The following FSTL5 variants were observed in gnomAD, a reference collection of about 807,000 sequenced individuals.
FSTL5 encodes the protein follistatin like 5.
Under a neutral mutation model 89.1 loss-of-function variants are expected in FSTL5, and 62 were observed. The ratio of observed to expected loss-of-function variants is 0.70; its 90% CI spans 0.57 to 0.86. FSTL5 has a LOEUF of 0.86. Ranked by LOEUF, FSTL5 falls within the 40% of genes least tolerant of loss-of-function variation. The pLI, the probability that FSTL5 is intolerant of heterozygous loss-of-function variation, is 0.00. For missense variants in FSTL5, 1,057 were observed against 1,001.6 expected, an observed-to-expected ratio of 1.06 and a Z score of -0.75; for synonymous variants, 383 against 346.2, an observed-to-expected ratio of 1.11 and a Z score of -1.18.
In FSTL5 at chr4:161,393,237, A is replaced by G. The variant is rs1024474541; in HGVS notation, c.1842-6788T>C. On this transcript the variant is annotated intron_variant, in intron 15 of 15. Transcript: ENST00000306100. ...AATATTACCAATGTGTTCATTTTATACATGCAAGAGAGAGATAGTAACTGA... is the reference window on the plus strand; with the variant it reads ...AATATTACCAATGTGTTCATTTTATGCATGCAAGAGAGAGATAGTAACTGA... Among the ~76,000 whole-genome samples, 9 of 152,050 alleles carry G rather than the reference A, an allele frequency of 5.9e-5. No homozygotes were observed. In the South Asian group the frequency reaches 1.9e-3, roughly 32 times the overall value.
chr4:161,860,286 TCAAACAAACAAACAAA>T (rs10690156), intron 4 of FSTL5, among the ~76,000 whole-genome samples: 1 of 149,798 alleles, frequency 6.7e-6, no homozygotes, highest in South Asian at 2.1e-4. Context: ...AGACTCCGTC[TCAAACAAACAAACAAA>T]CAAACAAACA....
At chr4:161,581,255 G>A (rs1281363171) in intron 8 of FSTL5, among the ~76,000 whole-genome samples, 1 of 152,174 alleles carries the variant, frequency 6.6e-6, no homozygotes, top group East Asian at 1.9e-4. Flanking sequence ...TGAGACCTGA[G>A]AATTTGCCTT....
chr4:161,485,536 A>T (rs1402637544), intron 12 of FSTL5, among the ~76,000 whole-genome samples: 1 of 152,194 alleles, frequency 6.6e-6, no homozygotes, highest in East Asian at 1.9e-4. Context: ...TACTATCTTA[A>T]AGGAAGCATT....
chr4:161,841,485 C>CA lies in FSTL5; in HGVS notation c.410-65412dup, dbSNP rs536726977. Among the ~76,000 whole-genome samples the CA allele has an allele frequency of 2.4e-3, 361 of 152,204 alleles. 1 individual carries two copies. The highest frequency in any genetic ancestry group is 8.2e-3 in the African/African-American group (342 of 41,536). On this transcript the variant is annotated intron_variant, in intron 4 of 15. Coordinates refer to ENST00000306100, the MANE Select transcript of FSTL5 (RefSeq NM_020116.5). ...AGGCTCCTTATATAATATTTGGAAT[C>CA]AAAATCCCATAGATGGACATGTGGG... is the stretch of plus-strand genomic sequence containing the variant.
chr4:161,818,129 G>A (rs1157665470), intron 4 of FSTL5, among the ~76,000 whole-genome samples: 2 of 152,142 alleles, frequency 1.3e-5, no homozygotes, highest in Admixed American at 6.5e-5. Flanking sequence ...GGAACACACA[G>A]GCAGCTGGAC....
chr4:161,790,149 A>G (rs1039563936), intron 4 of FSTL5, among the ~76,000 whole-genome samples: 9 of 152,204 alleles, frequency 5.9e-5, no homozygotes, highest in Admixed American at 5.9e-4. Flanking sequence ...CATAGAGTAA[A>G]CAAAAATATC....
At chr4:161,589,874 CA>C (rs1055211857) in intron 7 of FSTL5, among the ~76,000 whole-genome samples, 1 of 151,864 alleles carries the variant, frequency 6.6e-6, no homozygotes, top group Non-Finnish European at 1.5e-5. Context: ...TCTAGCTGCA[CA>C]TAAGACTCTA....
intron 4 of FSTL5, among the ~76,000 whole-genome samples, chr4:161,824,864 A>G (rs1027075716): frequency 1.3e-5 from 2 of 151,438 alleles, no homozygotes; most frequent in African/African-American, 4.8e-5. Context: ...TTCTAGGTAT[A>G]CTATTTGGAT....
intron 6 of FSTL5, among the ~76,000 whole-genome samples, chr4:161,661,458 A>T (rs1370619407): frequency 6.6e-6 from 1 of 152,140 alleles, no homozygotes; most frequent in Non-Finnish European, 1.5e-5. Flanking sequence ...TGCAGATAGT[A>T]ATACAATATT....
At chr4:161,440,485 C>T (rs1560896282) in intron 15 of FSTL5, among the ~76,000 whole-genome samples, 1 of 152,088 alleles carries the variant, frequency 6.6e-6, no homozygotes, top group Non-Finnish European at 1.5e-5. Context: ...AAAAGTCCCG[C>T]ATTCAAAGGG....
chr4:161,932,450 C>T (rs13114430), intron 3 of FSTL5, among the ~76,000 whole-genome samples: 49,417 of 151,388 alleles, frequency 0.33, 9,675 homozygotes, highest in Non-Finnish European at 0.43. Context: ...ATTGCATATA[C>T]ATAAGTTAAT....
At chr4:162,122,744 C>T (rs929588331) in intron 1 of FSTL5, among the ~76,000 whole-genome samples, 1 of 152,070 alleles carries the variant, frequency 6.6e-6, no homozygotes, top group African/African-American at 2.4e-5. Flanking sequence ...CCTAAACACT[C>T]TTTATGTACT....
chr4:161,906,622 G>A (rs1733537006), intron 4 of FSTL5, among the ~76,000 whole-genome samples: 1 of 152,064 alleles, frequency 6.6e-6, no homozygotes, highest in Admixed American at 6.6e-5. Context: ...TGGTGAGGGG[G>A]AAACTGAAGT....
At chr4:162,004,663 CTTT>C in intron 3 of FSTL5, among the ~76,000 whole-genome samples, 1 of 152,272 alleles carries the variant, frequency 6.6e-6, no homozygotes, top group African/African-American at 2.4e-5. Flanking sequence ...CTTTCCCAGA[CTTT>C]TTATTAAATA....
At chr4:161,527,178 C>T (rs1034489698) in intron 10 of FSTL5, among the ~76,000 whole-genome samples, 50 of 152,172 alleles carry the variant, frequency 3.3e-4, no homozygotes, top group African/African-American at 1.2e-3. Flanking sequence ...AGTTGGATTC[C>T]TAGGTATTTT....
At chr4:162,133,940 T>A (rs989019467) in intron 1 of FSTL5, among the ~76,000 whole-genome samples, 2 of 152,318 alleles carry the variant, frequency 1.3e-5, no homozygotes, top group South Asian at 2.1e-4. Context: ...TCTCGACAGC[T>A]AGAGTCATGA....
chr4:161,484,666 G>A (rs1160012505), intron 12 of FSTL5, among the ~76,000 whole-genome samples: 114 of 152,124 alleles, frequency 7.5e-4, no homozygotes, highest in Non-Finnish European at 7.4e-5. Flanking sequence ...TATTTTCAAG[G>A]TCACCAGTGG....
chr4:161,386,940 T>G (rs776629481), intron 15 of FSTL5: 4 of 155,790 alleles, frequency 2.6e-5, no homozygotes, highest in African/African-American at 9.6e-5. Context: ...AAGTATAACA[T>G]TTTTCAACCT....
intron 4 of FSTL5, among the ~76,000 whole-genome samples, chr4:161,794,041 T>A (rs898739708): frequency 3.3e-5 from 5 of 152,140 alleles, no homozygotes; most frequent in Non-Finnish European, 5.9e-5. Context: ...ACAAAGAGTA[T>A]TTTGGGCACA....
Sources: gnomAD v4.1 joint callset for allele counts (sites outside exome capture counted in the v4.1 genomes callset) on GRCh38, gnomAD v4.1.1 for gene constraint, MANE v1.5 for transcripts, NCBI Gene and HGNC (gene_info 2026-07-23, HGNC 2026-07-21) for gene names.